The following ARPP21 variants were observed in gnomAD, a reference collection of about 807,000 sequenced individuals.
The protein encoded by ARPP21 is cAMP regulated phosphoprotein 21, also known as cAMP-regulated phosphoprotein 21.
In ARPP21, 69 loss-of-function variants were observed where a neutral mutation model predicts 113.2. The ratio of observed to expected loss-of-function variants is 0.61; its 90% confidence interval spans 0.50 to 0.74. The LOEUF is 0.74. ARPP21 is among the 30% of genes least tolerant of loss of function. The pLI is 0.00. For missense variants in ARPP21, 1,070 were observed against 1,037.4 expected, an observed-to-expected ratio of 1.03 and a Z score of -0.43; for synonymous variants, 368 against 375.5, an observed-to-expected ratio of 0.98 and a Z score of 0.23.
rs182273792 is a variant in ARPP21, at chr3:35,656,195, T to A, written c.-213+15797T>A. On this transcript the variant is annotated intron_variant, in intron 1 of 20. Coordinates refer to ENST00000684406, the MANE Select transcript of ARPP21 (RefSeq NM_001385562.1). Reference sequence around the variant, plus strand: ...TTTTGAATGACTATTGAATACAAATTTCTCTCTAAGATTGTGTGTACTAAG... The same window carrying A: ...TTTTGAATGACTATTGAATACAAATATCTCTCTAAGATTGTGTGTACTAAG... Among the ~76,000 whole-genome samples the A allele has an allele frequency of 2.6e-5, 4 of 152,182 alleles. No individual in the cohort carries two copies. The East Asian group carries it at 7.8e-4, about 29-fold the overall frequency.
chr3:35,747,359 T>TAAA (rs34264524), intron 19 of ARPP21, among the ~76,000 whole-genome samples: 6,866 of 108,682 alleles, frequency 0.063, 483 homozygotes, highest in African/African-American at 0.17. Context: ...AGACTCCATC[T>TAAA]AAAAAAAAAA....
chr3:35,778,418 C>T (rs1026046860), intron 19 of ARPP21, among the ~76,000 whole-genome samples: 3 of 152,106 alleles, frequency 2.0e-5, no homozygotes, highest in South Asian at 2.1e-4. Flanking sequence ...GGAGAGCCAG[C>T]GAGCAGTCCT....
intron 9 of ARPP21, among the ~76,000 whole-genome samples, chr3:35,700,017 G>A (rs2085689232): frequency 6.6e-6 from 1 of 151,700 alleles, no homozygotes; most frequent in Non-Finnish European, 1.5e-5. Context: ...ATAATGTTGT[G>A]CCTTTAGATT....
intron 19 of ARPP21, among the ~76,000 whole-genome samples, chr3:35,766,541 A>C (rs1292754406): frequency 6.6e-6 from 1 of 152,200 alleles, no homozygotes; most frequent in East Asian, 1.9e-4. Context: ...TAGGCATTTG[A>C]CGTGCCAATT....
chr3:35,766,813 G>A (rs1199090227), intron 19 of ARPP21, among the ~76,000 whole-genome samples: 1 of 151,670 alleles, frequency 6.6e-6, no homozygotes, highest in Non-Finnish European at 1.5e-5. Context: ...ATACAATTAA[G>A]AAGCTCATAT....
rs549840794 is a variant in ARPP21, at chr3:35,715,547, A to AAT, written c.935+78_935+79dup. 5,228 of 1,242,372 alleles carry AAT rather than the reference A, an allele frequency of 4.2e-3. 28 individuals are homozygous for AAT. Among genetic ancestry groups the AAT allele is most frequent in the Non-Finnish European group, 5.4e-3 (4,559 of 843,950 alleles). 77.0% of individuals were successfully genotyped at this position (1,242,372 alleles called of 1,614,324 possible). A position where few individuals can be genotyped will look rare whatever the true frequency, so the allele number is the denominator to read the frequency against. On this transcript the variant is annotated intron_variant, in intron 12 of 20. Coordinates refer to ENST00000684406, the MANE Select transcript of ARPP21 (RefSeq NM_001385562.1). Reference sequence around the variant, plus strand: ...GTCATGTGTGTCTTGTGTATTCATAAATATATATCCCATATATGTGTGTGC... The same window carrying AAT: ...GTCATGTGTGTCTTGTGTATTCATAAATATATATATCCCATATATGTGTGTGC...
chr3:35,661,699 T>A (rs1024503346), intron 1 of ARPP21, among the ~76,000 whole-genome samples: 1 of 152,190 alleles, frequency 6.6e-6, no homozygotes, highest in Admixed American at 6.5e-5. Context: ...AGTACTTTTG[T>A]AGGCAACAAT....
chr3:35,726,522 C>T lies in ARPP21; in HGVS notation c.1226-2781C>T, dbSNP rs186857392. Among the ~76,000 whole-genome samples the T allele has an allele frequency of 8.5e-4, 129 of 152,356 alleles. 1 individual carries two copies. In the Middle Eastern group the frequency reaches 0.01, roughly 12 times the overall value. ...TTTAAGCCAAATTTAGGTTTCCTTC[C>T]TTCCTTTAACCTGTGGAATCAAATC... On this transcript the variant is annotated intron_variant, in intron 14 of 20. Coordinates refer to ENST00000684406, the MANE Select transcript of ARPP21 (RefSeq NM_001385562.1).
intron 9 of ARPP21, among the ~76,000 whole-genome samples, chr3:35,694,321 A>G (rs913727857): frequency 6.6e-6 from 1 of 151,522 alleles, no homozygotes; most frequent in Non-Finnish European, 1.5e-5. Flanking sequence ...CTCTTTTATG[A>G]TGAAAACAAC....
At position 35,770,421 on chromosome 3, in the gene ARPP21, A is replaced by G. The variant is rs976142102; in HGVS notation, c.2138-21961A>G. Reference sequence around the variant, plus strand: ...GCTTTCATAGCTCAGGCTGCCTCCAATCTTAGAAATGTGGCCTTTCATCTC... The same window carrying G: ...GCTTTCATAGCTCAGGCTGCCTCCAGTCTTAGAAATGTGGCCTTTCATCTC... On this transcript the variant is annotated intron_variant, in intron 19 of 20. Coordinates refer to ENST00000684406, the MANE Select transcript of ARPP21 (RefSeq NM_001385562.1). Among the ~76,000 whole-genome samples, 12 of 152,318 alleles carry G rather than the reference A, an allele frequency of 7.9e-5. No individual in the cohort carries two copies. In the South Asian group the frequency reaches 1.7e-3, roughly 21 times the overall value.
intron 11 of ARPP21, among the ~76,000 whole-genome samples, chr3:35,709,712 A>T (rs1054808777): frequency 5.3e-5 from 8 of 152,218 alleles, no homozygotes; most frequent in African/African-American, 1.9e-4. Flanking sequence ...AGGTAAAAAA[A>T]AGTAGAGGCT....
At chr3:35,696,434 C>T (rs752839784) in intron 9 of ARPP21, among the ~76,000 whole-genome samples, 1 of 151,450 alleles carries the variant, frequency 6.6e-6, no homozygotes, top group Non-Finnish European at 1.5e-5. Flanking sequence ...GACCAGTAGC[C>T]TCCAACTACA....
intron 9 of ARPP21, among the ~76,000 whole-genome samples, chr3:35,704,976 T>C (rs1267639177): frequency 1.3e-5 from 2 of 152,184 alleles, no homozygotes; most frequent in East Asian, 3.9e-4. Flanking sequence ...AATCAGAAAG[T>C]CCACATTCTG....
At chr3:35,778,977 A>G (rs1425340213) in intron 19 of ARPP21, among the ~76,000 whole-genome samples, 1 of 152,180 alleles carries the variant, frequency 6.6e-6, no homozygotes, top group African/African-American at 2.4e-5. Flanking sequence ...TTAACTACTA[A>G]TATGTATTTC....
At chr3:35,671,908 G>A (rs750171216) in intron 1 of ARPP21, among the ~76,000 whole-genome samples, 1 of 151,980 alleles carries the variant, frequency 6.6e-6, no homozygotes, top group South Asian at 2.1e-4. Flanking sequence ...AACTCAGAAA[G>A]CACCAAGAGC....
In ARPP21 at chr3:35,721,724, G is replaced by A. The variant is rs535145550; in HGVS notation, c.1115G>A (p.Arg372His). Residue 372 changes from arginine to histidine, a missense_variant, in exon 14 of 21, where the codon CGC (arginine) becomes CAC (histidine). Coordinates refer to ENST00000684406, the MANE Select transcript of ARPP21 (RefSeq NM_001385562.1). ...WSSTDSDSSN[R>H]NLKPAMTKTA... is the part of the protein sequence containing the mutation. ...AGCACAGACTCCGACAGTTCCAACC[G>A]CAATCTAAAGCCCGCCATGACCAAG... is the stretch of plus-strand genomic sequence containing the variant. 3.2e-5 allele frequency: 51 copies of A among 1,613,536 alleles called. No homozygotes were observed. The highest frequency in any genetic ancestry group is 3.3e-4 in the Middle Eastern group (2 of 6,084).
At chr3:35,792,338 G>A in intron 19 of ARPP21, 44 bp from the exon 20 acceptor site, 1 of 1,600,312 alleles carries the variant, frequency 6.2e-7, no homozygotes, top group Non-Finnish European at 8.6e-7. Flanking sequence ...ACATCACTGT[G>A]TTCTTTCTGC....
At chr3:35,771,351 T>A (rs1442656137) in intron 19 of ARPP21, among the ~76,000 whole-genome samples, 2 of 151,840 alleles carry the variant, frequency 1.3e-5, no homozygotes, top group Non-Finnish European at 2.9e-5. Flanking sequence ...TTTTTTAAGA[T>A]GCAGTCTCAC....
intron 1 of ARPP21, among the ~76,000 whole-genome samples, chr3:35,646,072 T>G (rs1015230490): frequency 6.6e-6 from 1 of 152,038 alleles, no homozygotes; most frequent in Non-Finnish European, 1.5e-5. Context: ...GTGATTCAAG[T>G]TGCTTTCAGA....
Sources: allele counts gnomAD v4.1 joint callset (sites outside exome capture counted in the v4.1 genomes callset), GRCh38; gene constraint gnomAD v4.1.1; transcripts MANE v1.5; gene names NCBI Gene and HGNC (gene_info 2026-07-23, HGNC 2026-07-21).